Variants in GRIK4 observed in about 807,000 individuals in gnomAD.
The protein encoded by GRIK4 is glutamate ionotropic receptor kainate type subunit 4.
A neutral mutation model predicts 104.9 loss-of-function variants in GRIK4; 40 were observed. The observed-to-expected ratio is 0.38, with a 90% CI of 0.30 to 0.50. The LOEUF is 0.50. GRIK4 is among the 20% of genes least tolerant of loss of function. The probability of loss-of-function intolerance (pLI) is 0.93; values close to 1 mark genes in which losing one functional copy is unlikely to be tolerated. For missense variants in GRIK4, 1,047 were observed against 1,308.1 expected (o/e 0.80, Z 3.08); for synonymous variants, 485 against 524.9 (o/e 0.92, Z 1.04).
At chr11:120,741,550 T>C (rs946634188) in intron 3 of GRIK4, among the ~76,000 whole-genome samples, 3 of 152,280 alleles carry the variant, frequency 2.0e-5, no homozygotes, top group Middle Eastern at 3.4e-3. Context: ...AGTGCTGGGA[T>C]TACAGGCATG....
rs903517199 is a variant in GRIK4 at position 120,608,557 on chromosome 11, C to A, written c.-158-45128C>A. Among the ~76,000 whole-genome samples, 3 of 152,220 alleles carry A rather than the reference C, an allele frequency of 2.0e-5. No homozygotes were observed. In the South Asian group the frequency reaches 6.2e-4, roughly 32 times the overall value. On this transcript the variant is annotated intron_variant, in intron 1 of 20. Coordinates refer to ENST00000527524, the MANE Select transcript of GRIK4 (RefSeq NM_014619.5). ...GAGAGGTGACCTTGGTTGTGATCCTCACCCCTCTAGGGCTTTTTCCTCATT... is the reference window on the plus strand; with the variant it reads ...GAGAGGTGACCTTGGTTGTGATCCTAACCCCTCTAGGGCTTTTTCCTCATT...
chr11:120,664,392 G>A (rs745975255), intron 3 of GRIK4, among the ~76,000 whole-genome samples: 10 of 152,174 alleles, frequency 6.6e-5, no homozygotes, highest in Admixed American at 1.3e-4. Flanking sequence ...AATGCTATGT[G>A]CCAAGCACTG....
In GRIK4 at chr11:120,812,524, G is replaced by A. The variant is rs188610957; in HGVS notation, c.248-2854G>A. Reference sequence around the variant, plus strand: ...TAATAATAAAAGGGTCATGTAGCATGTCAGGTACCATTCTGAATGTTAAGT... The same window carrying A: ...TAATAATAAAAGGGTCATGTAGCATATCAGGTACCATTCTGAATGTTAAGT... On this transcript the variant is annotated intron_variant, in intron 4 of 20. Coordinates refer to ENST00000527524, the MANE Select transcript of GRIK4 (RefSeq NM_014619.5). Among the ~76,000 whole-genome samples the A allele has an allele frequency of 1.4e-3, 211 of 152,330 alleles. 7 individuals are homozygous for A. The highest frequency in any genetic ancestry group is 9.8e-3 in the East Asian group (51 of 5,188).
At chr11:120,577,662 T>C (rs1948503128) in intron 1 of GRIK4, among the ~76,000 whole-genome samples, 1 of 152,138 alleles carries the variant, frequency 6.6e-6, no homozygotes, top group African/African-American at 2.4e-5. Flanking sequence ...ATTTTGCCTT[T>C]CGTTGGGAAA....
At chr11:120,886,491 A>G (rs1955123378) in intron 11 of GRIK4, among the ~76,000 whole-genome samples, 1 of 152,182 alleles carries the variant, frequency 6.6e-6, no homozygotes, top group Non-Finnish European at 1.5e-5. Context: ...TCAACAGCAT[A>G]TATTAAGCGA....
chr11:120,873,669 A>G (rs1954675096), intron 9 of GRIK4: 1 of 174,460 alleles, frequency 5.7e-6, no homozygotes, highest in African/African-American at 2.4e-5. Flanking sequence ...GAATGGGCAG[A>G]TAGGGGGGCA....
At chr11:120,712,516 G>A (rs1016631677) in intron 3 of GRIK4, among the ~76,000 whole-genome samples, 3 of 151,922 alleles carry the variant, frequency 2.0e-5, no homozygotes, top group South Asian at 2.1e-4. Context: ...GACCACGCAC[G>A]GTGGCACATG....
intron 3 of GRIK4, among the ~76,000 whole-genome samples, chr11:120,706,418 TGA>T (rs1340222622): frequency 6.6e-6 from 1 of 152,156 alleles, no homozygotes; most frequent in African/African-American, 2.4e-5. Flanking sequence ...TCTGTGAGTG[TGA>T]GTGTGCACGT....
At chr11:120,521,914 CCTT>C (rs1416342463) in intron 1 of GRIK4, among the ~76,000 whole-genome samples, 2 of 152,224 alleles carry the variant, frequency 1.3e-5, no homozygotes, top group Admixed American at 6.5e-5. Context: ...TCCATTTTCC[CCTT>C]CTTCTGAAAG....
At chr11:120,584,348 A>T (rs1948629508) in intron 1 of GRIK4, among the ~76,000 whole-genome samples, 1 of 152,194 alleles carries the variant, frequency 6.6e-6, no homozygotes, top group Non-Finnish European at 1.5e-5. Flanking sequence ...TTATAAATAA[A>T]ATAGGTTTAA....
At chr11:120,765,886 C>T (rs958532131) in intron 3 of GRIK4, among the ~76,000 whole-genome samples, 2 of 152,196 alleles carry the variant, frequency 1.3e-5, no homozygotes, top group African/African-American at 2.4e-5. Context: ...AGGTGTCTGT[C>T]GACCCCTGCT....
chr11:120,681,276 G>A (rs1035067460), intron 3 of GRIK4, among the ~76,000 whole-genome samples: 3 of 152,152 alleles, frequency 2.0e-5, no homozygotes, highest in South Asian at 2.1e-4. Flanking sequence ...GGAGGGAAGC[G>A]CAGGAGTGGG....
Position 120,599,152 on chromosome 11 carries a change from C to A in GRIK4, c.-158-54533C>A, listed in dbSNP as rs117507477. On this transcript the variant is annotated intron_variant, in intron 1 of 20. Coordinates refer to ENST00000527524, the MANE Select transcript of GRIK4 (RefSeq NM_014619.5). ...CGGGATATCACGAGGCTGTGCCAGA[C>A]AGATGCCTCATTTTGTTTGTTTGAT... is the stretch of plus-strand genomic sequence containing the variant. Among the ~76,000 whole-genome samples, 303 of 152,372 alleles carry A rather than the reference C, an allele frequency of 2.0e-3. 8 individuals are homozygous for A. In the East Asian group the frequency reaches 0.055, roughly 28 times the overall value.
At chr11:120,922,661 C>G (rs1307886030) in intron 13 of GRIK4, among the ~76,000 whole-genome samples, 3 of 152,162 alleles carry the variant, frequency 2.0e-5, no homozygotes, top group Admixed American at 6.5e-5. Context: ...TTCTTGCCAT[C>G]CTATAGCTTG....
In GRIK4 at chr11:120,568,785, G is replaced by C. The variant is rs765626953; in HGVS notation, c.-159+56898G>C. On this transcript the variant is annotated intron_variant, in intron 1 of 20. Transcript: ENST00000527524. ...AAAGATGGAGTTAGACCCTCAGAGA[G>C]GTTTGCTCCCCACCCAGCAGTAATT... is the stretch of plus-strand genomic sequence containing the variant. Among the ~76,000 whole-genome samples the C allele has an allele frequency of 4.3e-4, 66 of 152,124 alleles. 1 individual carries two copies. The highest frequency in any genetic ancestry group is 7.4e-4 in the Non-Finnish European group (50 of 68,018).
chr11:120,913,382 C>G (rs1263645762), intron 13 of GRIK4, among the ~76,000 whole-genome samples: 2 of 151,824 alleles, frequency 1.3e-5, no homozygotes, highest in African/African-American at 2.4e-5. Flanking sequence ...GTGACAGAAC[C>G]AGACAGATGA....
intron 13 of GRIK4, among the ~76,000 whole-genome samples, chr11:120,911,579 C>T (rs1458564243): frequency 5.9e-4 from 87 of 148,010 alleles, no homozygotes; most frequent in Admixed American, 5.5e-3. Flanking sequence ...CGGTGGCTCA[C>T]GCCTGTAATC....
chr11:120,532,578 C>G (rs1434023286), intron 1 of GRIK4, among the ~76,000 whole-genome samples: 2 of 152,204 alleles, frequency 1.3e-5, no homozygotes, highest in Admixed American at 1.3e-4. Flanking sequence ...AGTTTGCTCG[C>G]TTTGCCTTGT....
chr11:120,808,573 G>GT (rs1243386241), intron 4 of GRIK4, among the ~76,000 whole-genome samples: 3 of 152,208 alleles, frequency 2.0e-5, no homozygotes, highest in Non-Finnish European at 4.4e-5. Flanking sequence ...GTCATGGGGC[G>GT]TGGCACTCAT....
Sources: allele counts gnomAD v4.1 joint callset (sites outside exome capture counted in the v4.1 genomes callset), GRCh38; gene constraint gnomAD v4.1.1; transcripts MANE v1.5; gene names NCBI Gene and HGNC (gene_info 2026-07-23, HGNC 2026-07-21).